Variants in SGMS1 observed in about 807,000 individuals in gnomAD.
The protein encoded by SGMS1 is sphingomyelin synthase 1.
In SGMS1, 13 loss-of-function variants were observed where a neutral mutation model predicts 46.2. The observed-to-expected ratio is 0.28, with a 90% confidence interval of 0.18 to 0.45. The LOEUF (loss-of-function observed/expected upper bound fraction) is 0.45. Ranked by LOEUF, SGMS1 falls within the 20% of genes least tolerant of loss-of-function variation. SGMS1 has a pLI of 1.00. For missense variants in SGMS1, 324 were observed against 519.9 expected (o/e 0.62, Z 3.66); for synonymous variants, 203 against 187.8 (o/e 1.08, Z -0.66).
chr10:50,535,074 A>T (rs1453691424), intron 2 of SGMS1, among the ~76,000 whole-genome samples: 2 of 152,104 alleles, frequency 1.3e-5, no homozygotes, highest in African/African-American at 4.8e-5. Flanking sequence ...TCTACTAAAA[A>T]TACAAAAATT....
chr10:50,623,621 C>A (rs1838879515), intron 1 of SGMS1, 86 bp downstream of exon 1: 1 of 985,370 alleles, frequency 1.0e-6, no homozygotes. Context: ...CGCTGCTCCC[C>A]GGCATAAGGC....
chr10:50,531,591 G>A (rs1232704617), intron 2 of SGMS1, among the ~76,000 whole-genome samples: 4 of 152,104 alleles, frequency 2.6e-5, no homozygotes, highest in Admixed American at 1.3e-4. Context: ...TCCCCACAGT[G>A]TCACTCAAAC....
chr10:50,598,145 G>A (rs1173289255), intron 1 of SGMS1, among the ~76,000 whole-genome samples: 1 of 151,640 alleles, frequency 6.6e-6, no homozygotes, highest in Non-Finnish European at 1.5e-5. Context: ...ATTCAGAGAG[G>A]ACTCCTTTGG....
chr10:50,517,497 G>T (rs931859666), intron 3 of SGMS1, among the ~76,000 whole-genome samples: 7 of 151,972 alleles, frequency 4.6e-5, no homozygotes, highest in African/African-American at 1.7e-4. Context: ...ATAAAGCAGG[G>T]AAAAACAAGA....
At position 50,323,789 on chromosome 10, in the gene SGMS1, C is replaced by A. The variant is rs142726383; in HGVS notation, c.741+3416G>T. Among the ~76,000 whole-genome samples, 249 of 152,300 alleles carry A rather than the reference C, an allele frequency of 1.6e-3. 1 individual carries two copies. Among genetic ancestry groups the A allele is most frequent in the African/African-American group, 5.5e-3 (228 of 41,568 alleles). On this transcript the variant is annotated intron_variant, in intron 8 of 10. Transcript: ENST00000361781. ...CATGAAATCTATTATCAAGTTGTAT[C>A]AATTTGGTCTCTTAAATATTGCTCA...
chr10:50,344,651 C>T (rs183431687), intron 6 of SGMS1, among the ~76,000 whole-genome samples: 52 of 152,088 alleles, frequency 3.4e-4, no homozygotes, highest in Middle Eastern at 3.4e-3. Flanking sequence ...GGGCGGATCA[C>T]GAGGTCAGGA....
intron 6 of SGMS1, among the ~76,000 whole-genome samples, chr10:50,387,561 C>T (rs1302467034): frequency 5.3e-5 from 8 of 152,192 alleles, no homozygotes; most frequent in South Asian, 4.2e-4. Context: ...AAACAGACAC[C>T]GCAAGCCAAG....
intron 6 of SGMS1, among the ~76,000 whole-genome samples, chr10:50,375,001 G>A (rs1848502229): frequency 6.6e-6 from 1 of 152,118 alleles, no homozygotes; most frequent in Non-Finnish European, 1.5e-5. Flanking sequence ...GATTGAGGAT[G>A]GGGATAACAG....
intron 3 of SGMS1, among the ~76,000 whole-genome samples, chr10:50,511,160 G>A (rs541378470): frequency 7.9e-5 from 12 of 151,330 alleles, no homozygotes; most frequent in African/African-American, 2.4e-4. Context: ...CCCAGTAGAG[G>A]CAGAGTGGAT....
chr10:50,604,129 T>C (rs993109417), intron 1 of SGMS1, among the ~76,000 whole-genome samples: 4 of 152,128 alleles, frequency 2.6e-5, no homozygotes, highest in Non-Finnish European at 4.4e-5. Context: ...CACTTCCTCC[T>C]GCACAGTCTA....
intron 6 of SGMS1, among the ~76,000 whole-genome samples, chr10:50,368,456 A>T (rs1013746137): frequency 2.6e-5 from 4 of 152,206 alleles, no homozygotes; most frequent in African/African-American, 9.7e-5. Context: ...TCTCGGGTTC[A>T]ATCAATTCTC....
intron 9 of SGMS1, among the ~76,000 whole-genome samples, chr10:50,310,548 A>G (rs1022100039): frequency 1.3e-5 from 2 of 152,302 alleles, no homozygotes; most frequent in South Asian, 2.1e-4. Flanking sequence ...CCACAAAACA[A>G]TAATACACAA....
chr10:50,402,520 G>A (rs947933701), intron 6 of SGMS1, among the ~76,000 whole-genome samples: 1 of 152,138 alleles, frequency 6.6e-6, no homozygotes, highest in Non-Finnish European at 1.5e-5. Context: ...ATACTGCACA[G>A]TATTGCCCTT....
At chr10:50,480,414 G>A (rs1162990354) in intron 3 of SGMS1, among the ~76,000 whole-genome samples, 1 of 151,948 alleles carries the variant, frequency 6.6e-6, no homozygotes, top group Non-Finnish European at 1.5e-5. Flanking sequence ...AACGGCGAAT[G>A]AATCCTGCAC....
At chr10:50,492,762 A>G (rs1409119372) in intron 3 of SGMS1, among the ~76,000 whole-genome samples, 1 of 152,174 alleles carries the variant, frequency 6.6e-6, no homozygotes, top group Non-Finnish European at 1.5e-5. Flanking sequence ...TTCCTATTAA[A>G]CCACCATTGA....
At chr10:50,466,387 C>T (rs1837329711) in intron 4 of SGMS1, among the ~76,000 whole-genome samples, 1 of 151,948 alleles carries the variant, frequency 6.6e-6, no homozygotes, top group South Asian at 2.1e-4. Context: ...CAAATTGTTA[C>T]ACAGTAGAGA....
intron 6 of SGMS1, among the ~76,000 whole-genome samples, chr10:50,347,754 A>T (rs1174338045): frequency 1.3e-5 from 2 of 152,208 alleles, no homozygotes; most frequent in Non-Finnish European, 2.9e-5. Flanking sequence ...AAACTCCCTG[A>T]GAACCACAGG....
intron 1 of SGMS1, among the ~76,000 whole-genome samples, chr10:50,618,469 A>G (rs1192866326): frequency 6.6e-6 from 1 of 152,244 alleles, no homozygotes. Context: ...TCACCACATT[A>G]GGAAAAGCAA....
chr10:50,497,811 G>T (rs1018988661), intron 3 of SGMS1, among the ~76,000 whole-genome samples: 1 of 152,012 alleles, frequency 6.6e-6, no homozygotes, highest in South Asian at 2.1e-4. Flanking sequence ...AAAAATTCCA[G>T]ATCCTTCAGT....
Sources: allele counts gnomAD v4.1 joint callset (sites outside exome capture counted in the v4.1 genomes callset), GRCh38; gene constraint gnomAD v4.1.1; transcripts MANE v1.5; gene names NCBI Gene and HGNC (gene_info 2026-07-23, HGNC 2026-07-21).